CDK11A: variants seen among roughly 807,000 people sequenced by gnomAD.
CDK11A encodes cyclin-dependent kinase 11A.
Under a neutral mutation model 83.6 loss-of-function variants are expected in CDK11A, and 55 were observed. The ratio of observed to expected loss-of-function variants is 0.66; its 90% confidence interval spans 0.53 to 0.82. The LOEUF (loss-of-function observed/expected upper bound fraction) is 0.82, where lower values mean the gene tolerates loss of function less well. CDK11A is among the 40% of genes least tolerant of loss of function. The pLI, the probability that CDK11A is intolerant of heterozygous loss-of-function variation, is 0.00. For synonymous variants in CDK11A, 247 were observed against 302.7 expected (o/e 0.82, Z 1.91); for missense variants, 564 against 810.1 (o/e 0.70, Z 3.69).
intron 4 of CDK11A, among the ~76,000 whole-genome samples, chr1:1,717,426 G>T (rs1234799198): frequency 6.6e-6 from 1 of 151,178 alleles, no homozygotes; most frequent in Admixed American, 6.6e-5. Flanking sequence ...AACTGCTCAA[G>T]CCTAACCCAT....
rs771722645 is a variant in CDK11A at position 1,722,450 on chromosome 1, G to C, written c.111+258C>G. ...TATGAATATACTAATAATGAACCGA[G>C]AAAAATTAGTCCAGTTTTGCTAATG... On this transcript the variant is annotated intron_variant, in intron 2 of 19. Coordinates refer to ENST00000404249, the MANE Select transcript of CDK11A (RefSeq NM_024011.4). 11 of 712,074 alleles carry C rather than the reference G, an allele frequency of 1.5e-5. 1 individual carries two copies. The highest frequency in any genetic ancestry group is 2.3e-5 in the Non-Finnish European group (10 of 433,880). 44.1% of individuals were successfully genotyped at this position (712,074 alleles called of 1,614,324 possible).
chr1:1,721,755 T>C lies in CDK11A; in HGVS notation c.112-44A>G, dbSNP rs755604551. 4 of 1,475,328 alleles carry C rather than the reference T, an allele frequency of 2.7e-6. 1 individual carries two copies. The African/African-American group carries it at 4.3e-5, about 16-fold the overall frequency. The allele number at this position is 1,475,328 out of a possible 1,614,324, so 91.4% of individuals were successfully genotyped here. A position where few individuals can be genotyped will look rare whatever the true frequency, so the allele number is the denominator to read the frequency against. The stretch of plus-strand genomic sequence containing the variant: ...GTTAATCATTTTCTTTATAAGTTTT[T>C]TTTTCTTCATAGATAAAAGTATTTT... On this transcript the variant is annotated intron_variant, in intron 2 of 19. Transcript: ENST00000404249.
At position 1,716,386 on chromosome 1, in the gene CDK11A, T is replaced by G; in HGVS notation, c.448A>C (p.Lys150Gln). The G allele has an allele frequency of 6.2e-7, 1 of 1,609,178 alleles. No homozygotes were observed. Among genetic ancestry groups the G allele is most frequent in the South Asian group, 1.1e-5 (1 of 90,730 alleles). The change falls in exon 5 of 20, where the codon AAG (lysine) becomes CAG (glutamine). Residue 150 changes from lysine to glutamine, a missense_variant. This residue lies in a region of CDK11A where 151 missense variants were observed against 147.4 expected (regional missense o/e 1.02). Transcript: ENST00000404249. ...DKARREWERQ[K>Q]RREMAREHSR... ...TGCTCCCTTGCCATTTCCCTTCTCT[T>G]CTGTCTTTCCCATTCCCGGCGAGCT... is the stretch of plus-strand genomic sequence containing the variant.
chr1:1,720,644 G>A (rs1274444390), intron 3 of CDK11A, among the ~76,000 whole-genome samples: 3 of 150,428 alleles, frequency 2.0e-5, no homozygotes, highest in Admixed American at 1.3e-4. Context: ...TGATCCACCC[G>A]CCTCAGCCTC....
chr1:1,712,054 C>T (rs1250163406), intron 6 of CDK11A, among the ~76,000 whole-genome samples: 1 of 120,272 alleles, frequency 8.3e-6, no homozygotes, highest in East Asian at 2.4e-4. Context: ...CACTTGAACC[C>T]GGGGGGCAGA....
intron 5 of CDK11A, 26 bp downstream of exon 5, chr1:1,716,320 G>C (rs1644641782): frequency 6.2e-6 from 10 of 1,605,076 alleles, no homozygotes; most frequent in Non-Finnish European, 7.7e-6. Context: ...CTTTCATAAA[G>C]TCCTCAACTG....
chr1:1,714,847 G>C (rs1460720968), intron 5 of CDK11A, among the ~76,000 whole-genome samples: 1 of 145,594 alleles, frequency 6.9e-6, no homozygotes, highest in Non-Finnish European at 1.5e-5. Flanking sequence ...GTGGCGGCTC[G>C]AGCTCTCTCC....
At chr1:1,718,370 GCTCT>G (rs1191209143) in intron 4 of CDK11A, among the ~76,000 whole-genome samples, 1 of 142,508 alleles carries the variant, frequency 7.0e-6, no homozygotes, top group Non-Finnish European at 1.5e-5. Flanking sequence ...GCTGGAGTTT[GCTCT>G]CTCTGGTTTT....
chr1:1,704,292 G>A lies in CDK11A; in HGVS notation c.1617C>T (p.His539=), dbSNP rs377008127. The change falls in exon 15 of 20, where the codon CAC becomes CAT. Residue 539 remains histidine, a synonymous_variant. Transcript: ENST00000404249. ...GGTCACGGTGCAGGATCCAGTTGTC[G>A]TGCAGGTGTTTCACCCCCCGCAGCA... ...IQLLRGVKHL[H]DNWILHRDLK... 34 of 1,607,536 alleles carry A rather than the reference G, an allele frequency of 2.1e-5. No homozygotes were observed. The highest frequency in any genetic ancestry group is 1.8e-4 in the Middle Eastern group (1 of 5,476).
intron 3 of CDK11A, among the ~76,000 whole-genome samples, chr1:1,719,996 CA>C (rs1644842578): frequency 6.6e-6 from 1 of 150,836 alleles, no homozygotes; most frequent in Non-Finnish European, 1.5e-5. Flanking sequence ...AGAGGACCTG[CA>C]GGGGGTGAGG....
intron 1 of CDK11A, among the ~76,000 whole-genome samples, chr1:1,723,434 C>T (rs1644981133): frequency 3.3e-5 from 1 of 30,532 alleles, no homozygotes; most frequent in South Asian, 1.4e-3. Context: ...ATCCGAAAGG[C>T]GGAGGTTCCG....
Position 1,704,533 on chromosome 1 carries a change from C to G in CDK11A, c.1564+17G>C, listed in dbSNP as rs1446807465. 1 of 1,602,970 alleles carries G rather than the reference C, an allele frequency of 6.2e-7. No individual in the cohort carries two copies. The highest frequency in any genetic ancestry group is 2.2e-5 in the East Asian group (1 of 44,466). On this transcript the variant is annotated intron_variant, in intron 14 of 19. Coordinates refer to ENST00000404249, the MANE Select transcript of CDK11A (RefSeq NM_024011.4). ...CCCCCACTTGTACGCAGACAGGACC[C>G]CGGGGCGCGGCTGTACCTGGCAGGA...
chr1:1,716,257 C>T, intron 5 of CDK11A, 89 bp downstream of exon 5: 1 of 1,457,188 alleles, frequency 6.9e-7, no homozygotes, highest in Non-Finnish European at 9.5e-7. Context: ...ACAAATGTGA[C>T]TTCTATTGCC....
chr1:1,703,819 C>T lies in CDK11A; in HGVS notation c.1911+5G>A. 1 of 1,609,584 alleles carries T rather than the reference C, an allele frequency of 6.2e-7. No individual in the cohort carries two copies. The highest frequency in any genetic ancestry group is 8.5e-7 in the Non-Finnish European group (1 of 1,176,882). On this transcript the variant is annotated splice_donor_5th_base_variant and intron_variant, in intron 17 of 19. Coordinates refer to ENST00000404249, the MANE Select transcript of CDK11A (RefSeq NM_024011.4). ...ATAGCGCACCTGCGGCAGGGCCAGA[C>T]CCACCTTGAACACTTTGTTGATCTG...
chr1:1,715,541 A>T (rs7534835), intron 5 of CDK11A, among the ~76,000 whole-genome samples: 1 of 145,236 alleles, frequency 6.9e-6, no homozygotes, highest in African/African-American at 2.5e-5. Flanking sequence ...TTGCTCACCC[A>T]GCAGCGGTCT....
At chr1:1,723,637 T>C (rs970171198) in intron 1 of CDK11A, among the ~76,000 whole-genome samples, 6 of 94,634 alleles carry the variant, frequency 6.3e-5, no homozygotes, top group Non-Finnish European at 1.3e-4. Context: ...GAAGTGCGCT[T>C]GTGAACAGCC....
Position 1,724,343 on chromosome 1 carries a change from G to T in CDK11A, c.-99C>A, listed in dbSNP as rs1349060267. The stretch of plus-strand genomic sequence containing the variant: ...AAGTATCCTCACTTCCTGTGTTGAC[G>T]CCTAATGATGATATAATAGCCGACC... On this transcript the variant is annotated 5_prime_UTR_variant, in exon 1 of 20. Transcript: ENST00000404249. The T allele has an allele frequency of 1.3e-5, 2 of 151,616 alleles. No individual in the cohort carries two copies. The highest frequency in any genetic ancestry group is 2.9e-5 in the Non-Finnish European group (2 of 67,850). 9.4% of individuals were successfully genotyped at this position (151,616 alleles called of 1,614,324 possible). A position where few individuals can be genotyped will look rare whatever the true frequency, so the allele number is the denominator to read the frequency against.
chr1:1,718,811 T>C (rs1644783073), intron 4 of CDK11A, among the ~76,000 whole-genome samples: 1 of 150,372 alleles, frequency 6.7e-6, no homozygotes, highest in Admixed American at 6.7e-5. Flanking sequence ...TAATTTTTTG[T>C]ATTTTTAGTA....
intron 5 of CDK11A, among the ~76,000 whole-genome samples, chr1:1,715,008 A>G (rs1644585707): frequency 6.7e-6 from 1 of 149,096 alleles, no homozygotes; most frequent in Admixed American, 6.8e-5. Context: ...AACCCCTTCC[A>G]AGGCAGCAAG....
Sources: allele counts gnomAD v4.1 joint callset (sites outside exome capture counted in the v4.1 genomes callset), GRCh38; gene constraint gnomAD v4.1.1; regional missense constraint gnomAD v4.1.1; transcripts MANE v1.5; gene names NCBI Gene and HGNC (gene_info 2026-07-23, HGNC 2026-07-21).